PTPRD: variants seen among roughly 807,000 people sequenced by gnomAD.
PTPRD encodes the protein protein tyrosine phosphatase receptor type D.
In PTPRD, 34 loss-of-function variants were observed where a neutral mutation model predicts 214.5. The ratio of observed to expected loss-of-function variants is 0.16; its 90% confidence interval spans 0.12 to 0.21. The LOEUF (loss-of-function observed/expected upper bound fraction) is 0.21. PTPRD is among the 10% of genes least tolerant of loss of function. The pLI, the probability that PTPRD is intolerant of heterozygous loss-of-function variation, is 1.00. For synonymous variants in PTPRD, 1,128 were observed against 845.7 expected (o/e 1.33, Z -5.79); for missense variants, 2,545 against 2,398.7 (o/e 1.06, Z -1.27).
chr9:9,799,155 T>A (rs1457662937), intron 5 of PTPRD, among the ~76,000 whole-genome samples: 2 of 152,198 alleles, frequency 1.3e-5, no homozygotes, highest in African/African-American at 4.8e-5. Context: ...TAAATGCAAT[T>A]AACTTCCATA....
intron 12 of PTPRD, among the ~76,000 whole-genome samples, chr9:8,705,248 G>A (rs2098180006): frequency 1.3e-5 from 2 of 151,986 alleles, no homozygotes; most frequent in South Asian, 4.2e-4. Context: ...TTTTGAGATG[G>A]TCTCACTTGT....
chr9:8,571,872 C>T (rs777426791), intron 14 of PTPRD, among the ~76,000 whole-genome samples: 3 of 152,052 alleles, frequency 2.0e-5, no homozygotes, highest in Non-Finnish European at 2.9e-5. Flanking sequence ...GAAGCCAAAA[C>T]TCATTCAGAG....
intron 9 of PTPRD, among the ~76,000 whole-genome samples, chr9:9,271,807 T>C (rs960776155): frequency 1.3e-5 from 2 of 151,422 alleles, no homozygotes; most frequent in East Asian, 2.0e-4. Flanking sequence ...TTTGATTGTG[T>C]TACTTCTTCT....
At chr9:8,484,098 C>A (rs1298526706) in intron 30 of PTPRD, 21 bp downstream of exon 30, 3 of 1,608,018 alleles carry the variant, frequency 1.9e-6, no homozygotes, top group Non-Finnish European at 2.6e-6. Context: ...TCCTTCAGCC[C>A]TAAGCCTTCA....
At chr9:10,150,395 G>A (rs1384927483) in intron 3 of PTPRD, among the ~76,000 whole-genome samples, 1 of 152,090 alleles carries the variant, frequency 6.6e-6, no homozygotes, top group Non-Finnish European at 1.5e-5. Flanking sequence ...ATCATTCTGA[G>A]CAAACCATTG....
At chr9:9,217,096 A>T (rs538466997) in intron 9 of PTPRD, among the ~76,000 whole-genome samples, 1 of 152,184 alleles carries the variant, frequency 6.6e-6, no homozygotes, top group South Asian at 2.1e-4. Context: ...TGCAAATGAG[A>T]ACTAAGGGCC....
intron 5 of PTPRD, among the ~76,000 whole-genome samples, chr9:9,824,894 A>T (rs555773729): frequency 6.6e-6 from 1 of 152,098 alleles, no homozygotes. Flanking sequence ...GCCCAGATAA[A>T]ACTGTGAATT....
rs2098330189 is a variant in PTPRD at position 8,873,111 on chromosome 9, C to T, written c.-103-139165G>A. 1.3e-5 allele frequency among the ~76,000 whole-genome samples: 2 copies of T among 152,148 alleles called. 1 individual carries two copies. Among genetic ancestry groups the T allele is most frequent in the Non-Finnish European group, 2.9e-5 (2 of 68,022 alleles). On this transcript the variant is annotated intron_variant, in intron 11 of 45. Coordinates refer to ENST00000381196, the MANE Select transcript of PTPRD (RefSeq NM_002839.4). Reference sequence around the variant, plus strand: ...CTTCTAATCTGTCTGCCTAATGGAGCAGGTGGTGAGACTCTCCACTGAGCT... The same window carrying T: ...CTTCTAATCTGTCTGCCTAATGGAGTAGGTGGTGAGACTCTCCACTGAGCT...
chr9:9,479,378 C>T (rs116588085), intron 8 of PTPRD, among the ~76,000 whole-genome samples: 2,039 of 151,854 alleles, frequency 0.013, 45 homozygotes, highest in African/African-American at 0.047. Context: ...CACACATACA[C>T]TCATTGCTGT....
At chr9:8,706,276 G>C (rs1335546612) in intron 12 of PTPRD, among the ~76,000 whole-genome samples, 1 of 152,144 alleles carries the variant, frequency 6.6e-6, no homozygotes, top group African/African-American at 2.4e-5. Context: ...TTTCAGGGAG[G>C]TTTGATATTT....
At chr9:8,553,126 G>C (rs992967432) in intron 14 of PTPRD, among the ~76,000 whole-genome samples, 1 of 152,180 alleles carries the variant, frequency 6.6e-6, no homozygotes, top group African/African-American at 2.4e-5. Flanking sequence ...ATAACCAAAA[G>C]TTGAGCAAAA....
intron 11 of PTPRD, among the ~76,000 whole-genome samples, chr9:8,755,659 TCTG>T (rs1466045569): frequency 6.6e-6 from 1 of 152,206 alleles, no homozygotes; most frequent in Non-Finnish European, 1.5e-5. Flanking sequence ...ATTTAAAATT[TCTG>T]CTGAGAAAAT....
intron 3 of PTPRD, among the ~76,000 whole-genome samples, chr9:10,062,101 G>A (rs115912115): frequency 1.3e-5 from 2 of 151,996 alleles, no homozygotes; most frequent in African/African-American, 4.8e-5. Context: ...TTCAACAATC[G>A]TATTTCAATT....
At chr9:9,879,203 T>C (rs1202740764) in intron 5 of PTPRD, among the ~76,000 whole-genome samples, 1 of 152,238 alleles carries the variant, frequency 6.6e-6, no homozygotes, top group African/African-American at 2.4e-5. Flanking sequence ...TTTTTTCTTT[T>C]GTTTATTCTA....
chr9:9,943,041 G>A (rs2091894792), intron 4 of PTPRD, among the ~76,000 whole-genome samples: 1 of 152,132 alleles, frequency 6.6e-6, no homozygotes, highest in Non-Finnish European at 1.5e-5. Context: ...GGCAAAAGCT[G>A]ATAGTGGATA....
chr9:10,341,523 G>A (rs553499287), intron 2 of PTPRD, among the ~76,000 whole-genome samples: 57 of 152,018 alleles, frequency 3.7e-4, no homozygotes, highest in South Asian at 8.3e-4. Context: ...AATTCATATG[G>A]ATGAGTTATG....
Position 10,197,286 on chromosome 9 carries a change from T to C in PTPRD, c.-545+143677A>G, listed in dbSNP as rs558900027. On this transcript the variant is annotated intron_variant, in intron 3 of 45. Transcript: ENST00000381196. ...TAAGACAGAGAATCTAATTATAAAT[T>C]TAGTCAATGAGAAAACTGGGTAGGA... 3.3e-5 allele frequency among the ~76,000 whole-genome samples: 5 copies of C among 152,224 alleles called. No individual in the cohort carries two copies. In the South Asian group the frequency reaches 1.0e-3, roughly 32 times the overall value.
chr9:10,511,991 T>A (rs1589792731), intron 2 of PTPRD, among the ~76,000 whole-genome samples: 1 of 58,492 alleles, frequency 1.7e-5, no homozygotes, highest in Non-Finnish European at 3.6e-5. Flanking sequence ...TATATATACG[T>A]GTGTGTATAT....
chr9:9,167,881 G>A (rs1036076737), intron 10 of PTPRD, among the ~76,000 whole-genome samples: 2 of 152,028 alleles, frequency 1.3e-5, no homozygotes, highest in African/African-American at 4.8e-5. Flanking sequence ...TTATTTACTG[G>A]AGAGACATTG....
Sources: gnomAD v4.1 joint callset for allele counts (sites outside exome capture counted in the v4.1 genomes callset) on GRCh38, gnomAD v4.1.1 for gene constraint, MANE v1.5 for transcripts, NCBI Gene and HGNC (gene_info 2026-07-23, HGNC 2026-07-21) for gene names.